The following SGCZ variants were observed in gnomAD, a reference collection of about 807,000 sequenced individuals.
SGCZ encodes zeta-sarcoglycan.
Under a neutral mutation model 41.3 loss-of-function variants are expected in SGCZ, and 40 were observed. The ratio of observed to expected loss-of-function variants is 0.97; its 90% CI spans 0.75 to 1.26. The LOEUF is 1.26. Ranked by LOEUF, SGCZ falls within the 50% of genes most tolerant of loss-of-function variation. The pLI is 0.00. For missense variants in SGCZ, 552 were observed against 369.8 expected, an observed-to-expected ratio of 1.49 and a Z score of -4.04; for synonymous variants, 206 against 137.5, an observed-to-expected ratio of 1.50 and a Z score of -3.49.
chr8:14,544,162 A>T (rs375557790), intron 2 of SGCZ, among the ~76,000 whole-genome samples: 2 of 152,166 alleles, frequency 1.3e-5, no homozygotes, highest in African/African-American at 2.4e-5. Flanking sequence ...TGAAAATTTC[A>T]TCTTAATATG....
chr8:14,370,834 T>G (rs923459344), intron 2 of SGCZ, among the ~76,000 whole-genome samples: 9 of 151,884 alleles, frequency 5.9e-5, no homozygotes, highest in African/African-American at 2.2e-4. Flanking sequence ...TTGGTAAAAA[T>G]TTAAATTGAT....
intron 1 of SGCZ, among the ~76,000 whole-genome samples, chr8:14,905,539 T>C (rs1256164969): frequency 1.3e-5 from 2 of 152,068 alleles, no homozygotes; most frequent in Non-Finnish European, 2.9e-5. Context: ...ACTGGGTACA[T>C]GTGCAAATTA....
At chr8:15,164,922 C>T (rs1322181034) in intron 1 of SGCZ, among the ~76,000 whole-genome samples, 1 of 152,062 alleles carries the variant, frequency 6.6e-6, no homozygotes, top group Non-Finnish European at 1.5e-5. Context: ...TTTTCCCAGC[C>T]CTGTCTCTTA....
intron 5 of SGCZ, among the ~76,000 whole-genome samples, chr8:14,134,732 C>G (rs766296298): frequency 6.6e-6 from 1 of 152,044 alleles, no homozygotes; most frequent in African/African-American, 2.4e-5. Flanking sequence ...GCAAAGACTT[C>G]GTTTTCTCTG....
chr8:14,311,724 G>T (rs1801552187), intron 3 of SGCZ, among the ~76,000 whole-genome samples: 3 of 152,126 alleles, frequency 2.0e-5, no homozygotes, highest in Admixed American at 6.6e-5. Context: ...TATTTTCAAA[G>T]ATTTAATTTG....
intron 5 of SGCZ, among the ~76,000 whole-genome samples, chr8:14,157,637 G>A (rs552981355): frequency 4.0e-5 from 6 of 151,646 alleles, no homozygotes; most frequent in African/African-American, 1.2e-4. Flanking sequence ...GAAGAATGTT[G>A]AAAGTACAGG....
intron 1 of SGCZ, among the ~76,000 whole-genome samples, chr8:14,750,076 G>C (rs1049213026): frequency 6.6e-6 from 1 of 152,052 alleles, no homozygotes; most frequent in Non-Finnish European, 1.5e-5. Flanking sequence ...ATTATTTCTT[G>C]GTCTTAATAG....
At chr8:14,204,906 C>T (rs764554674) in intron 4 of SGCZ, among the ~76,000 whole-genome samples, 19 of 152,066 alleles carry the variant, frequency 1.2e-4, no homozygotes, top group Non-Finnish European at 2.8e-4. Context: ...CAGACTTGGA[C>T]TGAGCCTTGT....
At chr8:14,219,305 C>T (rs934677257) in intron 4 of SGCZ, among the ~76,000 whole-genome samples, 1 of 152,120 alleles carries the variant, frequency 6.6e-6, no homozygotes, top group South Asian at 2.1e-4. Context: ...TTTTCAATCC[C>T]GCTTAAACCA....
chr8:14,818,316 C>T (rs1009827114), intron 1 of SGCZ, among the ~76,000 whole-genome samples: 1 of 152,178 alleles, frequency 6.6e-6, no homozygotes, highest in Non-Finnish European at 1.5e-5. Context: ...TACTGTGCCA[C>T]CACCATCACA....
chr8:14,135,378 G>C (rs1025941291), intron 5 of SGCZ, among the ~76,000 whole-genome samples: 2 of 152,018 alleles, frequency 1.3e-5, no homozygotes, highest in Non-Finnish European at 2.9e-5. Flanking sequence ...AATATCATAG[G>C]CATGCCTAAC....
rs190260591 is a variant in SGCZ at position 14,395,428 on chromosome 8, A to G, written c.235-71224T>C. Among the ~76,000 whole-genome samples, 11 of 152,308 alleles carry G rather than the reference A, an allele frequency of 7.2e-5. No homozygotes were observed. In the East Asian group the frequency reaches 2.1e-3, roughly 29 times the overall value. ...AACAGGAAGGATTTAAAAAGAGACT[A>G]TTGCAAAGACAGGACACTTTACAAA... On this transcript the variant is annotated intron_variant, in intron 2 of 7. Transcript: ENST00000382080.
intron 2 of SGCZ, among the ~76,000 whole-genome samples, chr8:14,402,163 A>G (rs1464509300): frequency 1.3e-5 from 2 of 151,996 alleles, no homozygotes; most frequent in Non-Finnish European, 2.9e-5. Flanking sequence ...AATTTGACTG[A>G]GTTCATTGTA....
In SGCZ at chr8:14,140,226, G is replaced by A. The variant is rs574206392; in HGVS notation, c.547+24354C>T. On this transcript the variant is annotated intron_variant, in intron 5 of 7. Transcript: ENST00000382080. ...CCATAGCCAATATCATACTGAATGGGCAAAAACTGGAAGCATTCCCTTTGA... is the reference window on the plus strand; with the variant it reads ...CCATAGCCAATATCATACTGAATGGACAAAAACTGGAAGCATTCCCTTTGA... Among the ~76,000 whole-genome samples the A allele has an allele frequency of 3.9e-5, 6 of 152,256 alleles. No homozygotes were observed. The South Asian group carries it at 1.2e-3, about 32-fold the overall frequency.
chr8:14,254,123 G>A (rs1799381465), intron 3 of SGCZ, among the ~76,000 whole-genome samples: 1 of 152,050 alleles, frequency 6.6e-6, no homozygotes, highest in Non-Finnish European at 1.5e-5. Flanking sequence ...TTTAAACCAT[G>A]AGAAATAAAT....
chr8:14,108,478 G>C (rs757859118), intron 5 of SGCZ, among the ~76,000 whole-genome samples: 1 of 152,110 alleles, frequency 6.6e-6, no homozygotes, highest in Non-Finnish European at 1.5e-5. Flanking sequence ...GGAGGCAACA[G>C]GCACTTCATA....
intron 1 of SGCZ, among the ~76,000 whole-genome samples, chr8:14,758,061 C>A (rs1799746836): frequency 6.6e-6 from 1 of 151,990 alleles, no homozygotes; most frequent in Non-Finnish European, 1.5e-5. Flanking sequence ...TTTCCAGTAA[C>A]TTTTTAAAAT....
At chr8:14,112,044 C>G (rs1036832368) in intron 5 of SGCZ, among the ~76,000 whole-genome samples, 1 of 152,032 alleles carries the variant, frequency 6.6e-6, no homozygotes, top group African/African-American at 2.4e-5. Context: ...GTATTTTTTA[C>G]AGAAGTCACT....
intron 1 of SGCZ, among the ~76,000 whole-genome samples, chr8:14,840,565 G>A (rs1490092990): frequency 6.6e-6 from 1 of 152,072 alleles, no homozygotes; most frequent in East Asian, 1.9e-4. Context: ...GGGACTAATG[G>A]AGGGGGAAAT....
Sources: gnomAD v4.1 joint callset for allele counts (sites outside exome capture counted in the v4.1 genomes callset) on GRCh38, gnomAD v4.1.1 for gene constraint, MANE v1.5 for transcripts, NCBI Gene and HGNC (gene_info 2026-07-23, HGNC 2026-07-21) for gene names.